Variants in ZSCAN5A observed in about 807,000 individuals in gnomAD.
ZSCAN5A encodes zinc finger and SCAN domain containing 5A, also known as zinc finger and SCAN domain-containing protein 5A.
Under a neutral mutation model 23.7 loss-of-function variants are expected in ZSCAN5A, and 12 were observed. The observed-to-expected ratio is 0.51, with a 90% confidence interval of 0.32 to 0.82. ZSCAN5A has a LOEUF of 0.82. ZSCAN5A is among the 40% of genes least tolerant of loss of function. The pLI, the probability that ZSCAN5A is intolerant of heterozygous loss-of-function variation, is 0.03. For missense variants in ZSCAN5A, 597 were observed against 617.9 expected, an observed-to-expected ratio of 0.97 and a Z score of 0.36; for synonymous variants, 257 against 239.9, an observed-to-expected ratio of 1.07 and a Z score of -0.66.
chr19:56,262,217 C>T (rs543510318), intron 2 of ZSCAN5A, among the ~76,000 whole-genome samples: 3 of 152,162 alleles, frequency 2.0e-5, no homozygotes, highest in Non-Finnish European at 2.9e-5. Context: ...CAAGGTTTCA[C>T]CATGTTGGCC....
At chr19:56,363,511 GAC>G (rs2041747128) in intron 1 of ZSCAN5A, 1 of 152,224 alleles carries the variant, frequency 6.6e-6, no homozygotes, top group South Asian at 2.1e-4. Flanking sequence ...CTCAGAAGAA[GAC>G]AGGAAGATGA....
At chr19:56,318,240 T>C (rs1343390641), upstream of ZSCAN5A, among the ~76,000 whole-genome samples, 1 of 152,188 alleles carries the variant, frequency 6.6e-6, no homozygotes, top group Non-Finnish European at 1.5e-5. Context: ...GCTTTTTTTT[T>C]TGACCATTTT....
intron 2 of ZSCAN5A, among the ~76,000 whole-genome samples, chr19:56,258,901 T>C (rs1221574578): frequency 6.6e-6 from 1 of 152,118 alleles, no homozygotes; most frequent in Non-Finnish European, 1.5e-5. Flanking sequence ...AGCTGTCCCA[T>C]TGTCCAGAGG....
intron 2 of ZSCAN5A, among the ~76,000 whole-genome samples, chr19:56,300,802 T>TAA (rs113042044): frequency 2.9e-4 from 43 of 149,254 alleles, no homozygotes; most frequent in African/African-American, 1.0e-3. Flanking sequence ...GGTTTACGTG[T>TAA]AAAAAAAAAA....
intron 2 of ZSCAN5A, among the ~76,000 whole-genome samples, chr19:56,322,785 C>G (rs940757858): frequency 6.6e-6 from 1 of 151,832 alleles, no homozygotes; most frequent in Non-Finnish European, 1.5e-5. Flanking sequence ...CTCCTGTATA[C>G]TTTAAATCAT....
chr19:56,324,266 C>T (rs2041411990), intron 2 of ZSCAN5A, among the ~76,000 whole-genome samples: 1 of 152,146 alleles, frequency 6.6e-6, no homozygotes. Context: ...AACATAATGT[C>T]CTCCAATTCT....
At position 56,223,659 on chromosome 19, in the gene ZSCAN5A, G is replaced by C; in HGVS notation, c.560C>G (p.Pro187Arg). 6.2e-7 allele frequency: 1 copy of C among 1,613,624 alleles called. No individual in the cohort carries two copies. The highest frequency in any genetic ancestry group is 8.5e-7 in the Non-Finnish European group (1 of 1,179,944). The change falls in exon 4 of 6, where the codon CCC (proline) becomes CGC (arginine). Residue 187 changes from proline to arginine, a missense_variant. Coordinates refer to ENST00000683990, the MANE Select transcript of ZSCAN5A (RefSeq NM_001322064.3). The stretch of plus-strand genomic sequence containing the variant: ...CCTCCTGGACAATGCAGGGACCCTG[G>C]GCAGGATCTGCAGCTCTCGGTGGGC... ...GQAHRELQIL[P>R]RVPALSRRQG... is the part of the protein sequence containing the mutation.
intron 2 of ZSCAN5A, chr19:56,296,457 C>T (rs2147207493): frequency 6.6e-6 from 1 of 152,250 alleles, no homozygotes; most frequent in East Asian, 1.9e-4. Context: ...TAAATATCAT[C>T]AGACCCTACA....
intron 2 of ZSCAN5A, among the ~76,000 whole-genome samples, chr19:56,228,090 G>A (rs2034122936): frequency 6.6e-6 from 1 of 152,032 alleles, no homozygotes; most frequent in African/African-American, 2.4e-5. Context: ...GTTTACAGAA[G>A]CGTTACATAA....
chr19:56,229,465 A>AT (rs1185210999), intron 2 of ZSCAN5A, among the ~76,000 whole-genome samples: 23 of 152,240 alleles, frequency 1.5e-4, no homozygotes, highest in South Asian at 2.1e-4. Flanking sequence ...ACTTTGTTAC[A>AT]TTTTTTCTTG....
chr19:56,258,480 C>T (rs541275193), intron 2 of ZSCAN5A, among the ~76,000 whole-genome samples: 2 of 146,754 alleles, frequency 1.4e-5, no homozygotes, highest in South Asian at 2.2e-4. Context: ...GTGACAGAGA[C>T]GCCTTCCAGT....
In ZSCAN5A at chr19:56,302,430, CCCTTCCTT is replaced by C. The variant is rs141392462; in HGVS notation, c.-128+10845_-128+10852del. ...CTCCTCCCTTCATCCCTCCCTTTCTCCCTTCCTTCCTTTCTTCCTCTCTCCGTCTGCTT... is the reference window on the plus strand; with the variant it reads ...CTCCTCCCTTCATCCCTCCCTTTCTCCCTTTCTTCCTCTCTCCGTCTGCTT... On this transcript the variant is annotated intron_variant, in intron 2 of 5. Transcript: ENST00000683990. 3.4e-3 allele frequency among the ~76,000 whole-genome samples: 455 copies of C among 135,220 alleles called. 11 individuals are homozygous for C. The East Asian group carries it at 0.08, about 24-fold the overall frequency. 88.7% of individuals were successfully genotyped at this position (135,220 alleles called of 152,430 possible). A position where few individuals can be genotyped will look rare whatever the true frequency, so the allele number is the denominator to read the frequency against.
intron 2 of ZSCAN5A, among the ~76,000 whole-genome samples, chr19:56,346,528 A>G (rs2041634326): frequency 6.7e-6 from 1 of 149,580 alleles, no homozygotes; most frequent in African/African-American, 2.4e-5. Context: ...AAACTCTAGA[A>G]AAAAAAAAAA....
chr19:56,239,439 C>T (rs1298021051), intron 2 of ZSCAN5A, among the ~76,000 whole-genome samples: 2 of 152,174 alleles, frequency 1.3e-5, no homozygotes, highest in Admixed American at 6.5e-5. Context: ...AGGCTTTTCA[C>T]GTTTGAGAGG....
chr19:56,225,117 T>A lies in ZSCAN5A; in HGVS notation c.-71A>T. On this transcript the variant is annotated 5_prime_UTR_variant, in exon 3 of 6. Coordinates refer to ENST00000683990, the MANE Select transcript of ZSCAN5A (RefSeq NM_001322064.3). ...GTAGCTGGTATCTAATTGATACCTA[T>A]CTACACAGGCTTCCTCTGGTTTTCC... 1 of 1,511,060 alleles carries A rather than the reference T, an allele frequency of 6.6e-7. No homozygotes were observed. Among genetic ancestry groups the A allele is most frequent in the Non-Finnish European group, 8.8e-7 (1 of 1,137,806 alleles). The allele number at this position is 1,511,060 out of a possible 1,614,324, so 93.6% of individuals were successfully genotyped here.
At chr19:56,241,004 G>A (rs190049109) in intron 2 of ZSCAN5A, among the ~76,000 whole-genome samples, 6 of 152,200 alleles carry the variant, frequency 3.9e-5, no homozygotes, top group East Asian at 1.9e-4. Flanking sequence ...CCACCTTGCC[G>A]GCCGCACTCC....
chr19:56,244,090 C>G, intron 2 of ZSCAN5A: 2 of 1,370,576 alleles, frequency 1.5e-6, no homozygotes, highest in Non-Finnish European at 2.1e-6. Context: ...GACCCTGCAA[C>G]AGCCCTGAGT....
chr19:56,294,275 CG>C (rs1470756995), intron 2 of ZSCAN5A, among the ~76,000 whole-genome samples: 2 of 152,224 alleles, frequency 1.3e-5, no homozygotes, highest in Non-Finnish European at 2.9e-5. Flanking sequence ...CTCTTTCTCC[CG>C]GACCCTCACA....
chr19:56,228,290 G>T, intron 2 of ZSCAN5A: 1 of 985,338 alleles, frequency 1.0e-6, no homozygotes, highest in South Asian at 4.7e-5. Flanking sequence ...CTCGGTCTGG[G>T]ATGCGCTCTC....
Sources: gnomAD v4.1 joint callset for allele counts (sites outside exome capture counted in the v4.1 genomes callset) on GRCh38, gnomAD v4.1.1 for gene constraint, MANE v1.5 for transcripts, NCBI Gene and HGNC (gene_info 2026-07-23, HGNC 2026-07-21) for gene names.